ZNF143: variants seen among roughly 807,000 people sequenced by gnomAD.
ZNF143 encodes zinc finger protein 143, also known as SPH-binding factor.
A neutral mutation model predicts 74.1 loss-of-function variants in ZNF143; 49 were observed. The observed-to-expected ratio is 0.66, with a 90% confidence interval of 0.53 to 0.84. The LOEUF is 0.84. Among genes scored for constraint, ZNF143 ranks in the 40% least tolerant of loss-of-function variants. The pLI, the probability that ZNF143 is intolerant of heterozygous loss-of-function variation, is 0.00. For missense variants in ZNF143, 637 were observed against 793.4 expected (o/e 0.80, Z 2.37); for synonymous variants, 304 against 282.8 (o/e 1.07, Z -0.75).
intron 7 of ZNF143, among the ~76,000 whole-genome samples, chr11:9,494,065 C>T (rs1165660103): frequency 6.6e-6 from 1 of 152,122 alleles, no homozygotes. Flanking sequence ...GAAGATGCTA[C>T]TTAGGTTGTT....
chr11:9,483,884 G>A (rs994854262), intron 7 of ZNF143, among the ~76,000 whole-genome samples: 3 of 150,584 alleles, frequency 2.0e-5, no homozygotes, highest in African/African-American at 7.5e-5. Context: ...CGAGTAGCTG[G>A]GACTACAGGC....
chr11:9,525,364 A>C lies in ZNF143; in HGVS notation c.1811A>C (p.Asn604Thr). Residue 604 changes from asparagine (N) to threonine (T), a missense_variant, in exon 15 of 16, where the codon AAT (asparagine) becomes ACT (threonine). Asn to Thr is a moderately conservative substitution (Grantham distance 65). This residue lies in a region of ZNF143 where 344 missense variants were observed against 485.6 expected (regional missense o/e 0.71). Transcript: ENST00000396602. ...CCTCTGACCTTAGTAGCAACATCCA[A>C]TGGCACCCAGATTGCAGTTCAGGTG... ...TRPLTLVATS[N>T]GTQIAVQLGE... is the part of the protein sequence containing the mutation. 1 of 1,614,126 alleles carries C rather than the reference A, an allele frequency of 6.2e-7. No homozygotes were observed. The highest frequency in any genetic ancestry group is 8.5e-7 in the Non-Finnish European group (1 of 1,180,000).
chr11:9,482,962 T>TA (rs769627240), intron 7 of ZNF143, among the ~76,000 whole-genome samples: 6 of 151,530 alleles, frequency 4.0e-5, no homozygotes, highest in Non-Finnish European at 8.8e-5. Flanking sequence ...TTCAATTGGT[T>TA]ACTAGAGATT....
chr11:9,495,886 A>T (rs111883024), intron 8 of ZNF143, among the ~76,000 whole-genome samples: 63 of 152,278 alleles, frequency 4.1e-4, no homozygotes, highest in Non-Finnish European at 8.1e-4. Context: ...GGCTCAGAGA[A>T]GGCAAGTGCC....
intron 7 of ZNF143, among the ~76,000 whole-genome samples, chr11:9,491,888 C>T (rs1847794488): frequency 6.6e-6 from 1 of 152,128 alleles, no homozygotes; most frequent in Non-Finnish European, 1.5e-5. Flanking sequence ...CCTTGGCCTC[C>T]AAAAGTGCTG....
intron 11 of ZNF143, among the ~76,000 whole-genome samples, chr11:9,506,679 G>C (rs961746774): frequency 6.6e-6 from 1 of 152,196 alleles, no homozygotes; most frequent in African/African-American, 2.4e-5. Context: ...ATAAATGTTG[G>C]TCTGACCTAA....
At chr11:9,506,310 G>C (rs1848362848) in intron 11 of ZNF143, among the ~76,000 whole-genome samples, 1 of 152,226 alleles carries the variant, frequency 6.6e-6, no homozygotes, top group South Asian at 2.1e-4. Flanking sequence ...TCCAGCATGG[G>C]TGACAGAGCG....
At chr11:9,492,868 A>C (rs1433820446) in intron 7 of ZNF143, among the ~76,000 whole-genome samples, 1 of 152,192 alleles carries the variant, frequency 6.6e-6, no homozygotes, top group Admixed American at 6.5e-5. Flanking sequence ...TTAAAGTTTC[A>C]CACCAGTGAT....
chr11:9,520,438 G>C (rs149373542), intron 14 of ZNF143, among the ~76,000 whole-genome samples: 13 of 150,936 alleles, frequency 8.6e-5, no homozygotes, highest in African/African-American at 3.2e-4. Flanking sequence ...TTGAGGCTTT[G>C]GTGAGCCATG....
chr11:9,516,654 A>G (rs1035011111), intron 14 of ZNF143, among the ~76,000 whole-genome samples: 2 of 152,188 alleles, frequency 1.3e-5, no homozygotes, highest in African/African-American at 4.8e-5. Flanking sequence ...TATTATCATC[A>G]TTATCAGATA....
chr11:9,482,491 C>T lies in ZNF143; in HGVS notation c.645+2945C>T, dbSNP rs1475839332. ...TTCACTGTGTTAGCCAGGATGGTCT[C>T]GATCTCCTGACCTCATGATCCGCCC... On this transcript the variant is annotated intron_variant, in intron 7 of 15. Transcript: ENST00000396602. Among the ~76,000 whole-genome samples, 18 of 151,176 alleles carry T rather than the reference C, an allele frequency of 1.2e-4. 1 individual carries two copies. Among genetic ancestry groups the T allele is most frequent in the African/African-American group, 4.2e-4 (17 of 40,614 alleles).
intron 12 of ZNF143, among the ~76,000 whole-genome samples, chr11:9,511,627 G>A (rs1179154624): frequency 2.6e-5 from 4 of 151,630 alleles, no homozygotes; most frequent in East Asian, 1.9e-4. Flanking sequence ...TAATAGAGAC[G>A]TGGTTTCTCC....
At chr11:9,469,956 T>G (rs1856475708) in intron 1 of ZNF143, among the ~76,000 whole-genome samples, 1 of 152,248 alleles carries the variant, frequency 6.6e-6, no homozygotes, top group African/African-American at 2.4e-5. Context: ...ACAAAATTCT[T>G]CAAGCAATCC....
chr11:9,503,196 TG>T (rs1848230874), intron 11 of ZNF143, among the ~76,000 whole-genome samples: 1 of 152,258 alleles, frequency 6.6e-6, no homozygotes, highest in East Asian at 1.9e-4. Context: ...TTTCAGTAAC[TG>T]AATAGTATTT....
chr11:9,472,739 TCTA>T lies in ZNF143; in HGVS notation c.178_180del (p.Thr60del), dbSNP rs1360443186. Reference sequence around the variant, plus strand: ...GCAAGCAGTAACACTTGCAGATGGTTCTACTGCTTACATACAACACAATTCTAA... The same window carrying T: ...GCAAGCAGTAACACTTGCAGATGGTTCTGCTTACATACAACACAATTCTAA... On this transcript the variant is annotated inframe_deletion, in exon 3 of 16. Coordinates refer to ENST00000396602, the MANE Select transcript of ZNF143 (RefSeq NM_003442.6). 6.3e-7 allele frequency: 1 copy of T among 1,598,700 alleles called. No homozygotes were observed. Among genetic ancestry groups the T allele is most frequent in the Non-Finnish European group, 8.5e-7 (1 of 1,174,886 alleles).
chr11:9,507,036 T>C (rs1360644999), intron 11 of ZNF143, among the ~76,000 whole-genome samples: 1 of 152,112 alleles, frequency 6.6e-6, no homozygotes, highest in East Asian at 1.9e-4. Context: ...TCAGCAACTA[T>C]CCACCAAAAT....
intron 7 of ZNF143, among the ~76,000 whole-genome samples, chr11:9,493,886 G>A (rs1847869857): frequency 2.0e-5 from 3 of 152,166 alleles, no homozygotes; most frequent in African/African-American, 7.2e-5. Flanking sequence ...GTACAGAGTA[G>A]TAGTATCATA....
intron 1 of ZNF143, among the ~76,000 whole-genome samples, chr11:9,469,757 A>C (rs548912729): frequency 6.6e-6 from 1 of 152,188 alleles, no homozygotes; most frequent in African/African-American, 2.4e-5. Context: ...CATGTTGACC[A>C]GGCTGGTCTC....
chr11:9,498,304 G>T lies in ZNF143; in HGVS notation c.967+504G>T, dbSNP rs566142726. 8.5e-5 allele frequency among the ~76,000 whole-genome samples: 13 copies of T among 152,276 alleles called. No homozygotes were observed. In the South Asian group the frequency reaches 2.7e-3, roughly 32 times the overall value. ...ATAGCTCTGTTAGATTCTCAGAAGG[G>T]TCCACGTCCCAGAAAAGATTAACAG... is the stretch of plus-strand genomic sequence containing the variant. On this transcript the variant is annotated intron_variant, in intron 10 of 15. Coordinates refer to ENST00000396602, the MANE Select transcript of ZNF143 (RefSeq NM_003442.6).
Sources: allele counts gnomAD v4.1 joint callset (sites outside exome capture counted in the v4.1 genomes callset), GRCh38; gene constraint gnomAD v4.1.1; regional missense constraint gnomAD v4.1.1; transcripts MANE v1.5; gene names NCBI Gene and HGNC (gene_info 2026-07-23, HGNC 2026-07-21).